The following ZEB1 variants were observed in gnomAD, a reference collection of about 807,000 sequenced individuals.
The protein encoded by ZEB1 is zinc finger E-box binding homeobox 1, also known as zinc finger E-box-binding homeobox 1.
In ZEB1, 21 loss-of-function variants were observed where a neutral mutation model predicts 84.9. The ratio of observed to expected loss-of-function variants is 0.25; its 90% CI spans 0.18 to 0.36. The LOEUF (loss-of-function observed/expected upper bound fraction) is 0.36, where lower values mean the gene tolerates loss of function less well. ZEB1 is among the 10% of genes least tolerant of loss of function. ZEB1 has a pLI of 1.00. For missense variants in ZEB1, 1,104 were observed against 1,330.2 expected (o/e 0.83, Z 2.65); for synonymous variants, 420 against 471.1 (o/e 0.89, Z 1.41).
chr10:31,457,557 T>C (rs997083335), intron 1 of ZEB1, among the ~76,000 whole-genome samples: 3 of 152,116 alleles, frequency 2.0e-5, no homozygotes, highest in Non-Finnish European at 4.4e-5. Flanking sequence ...AAACATGCTC[T>C]GGGAAAATTC....
intron 1 of ZEB1, among the ~76,000 whole-genome samples, chr10:31,453,892 C>T (rs1397455785): frequency 6.6e-6 from 1 of 152,150 alleles, no homozygotes; most frequent in East Asian, 1.9e-4. Flanking sequence ...AGAGGGAATC[C>T]TCCCGAACTC....
intron 1 of ZEB1, among the ~76,000 whole-genome samples, chr10:31,345,869 T>C (rs1590143777): frequency 6.6e-6 from 1 of 152,308 alleles, no homozygotes; most frequent in Admixed American, 6.5e-5. Flanking sequence ...TTCTTTTCCT[T>C]CTTCCAAAGA....
chr10:31,426,676 GC>G (rs1163476820), intron 1 of ZEB1, among the ~76,000 whole-genome samples: 1 of 152,098 alleles, frequency 6.6e-6, no homozygotes, highest in African/African-American at 2.4e-5. Context: ...AAAATCTAGT[GC>G]CAGATTGTAT....
In ZEB1 at chr10:31,520,295, A is replaced by C. The variant is rs746356171; in HGVS notation, c.963A>C (p.Pro321=). 6.2e-7 allele frequency: 1 copy of C among 1,613,982 alleles called. No individual in the cohort carries two copies. The highest frequency in any genetic ancestry group is 1.1e-5 in the South Asian group (1 of 91,080). ...QCSSPSLSAS[P]GSPTRPQIRQ... ...CTTCACCGTCTCTTTCAGCATCACC[A>C]GGCAGTCCCACACGACCACAGATAC... The change falls in exon 7 of 9, where the codon CCA becomes CCC. Residue 321 remains proline, a synonymous_variant. Coordinates refer to ENST00000424869, the MANE Select transcript of ZEB1 (RefSeq NM_001174096.2). This position sits in a 1 kb window ranked among gnomAD's most constrained non-coding sequence, Gnocchi z 5.1.
chr10:31,413,174 C>T (rs1362565395), intron 1 of ZEB1, among the ~76,000 whole-genome samples: 1 of 152,130 alleles, frequency 6.6e-6, no homozygotes, highest in African/African-American at 2.4e-5. Context: ...AATATAATAT[C>T]TGTTCACCAG....
intron 1 of ZEB1, among the ~76,000 whole-genome samples, chr10:31,327,650 T>C (rs1426250406): frequency 6.6e-6 from 1 of 152,172 alleles, no homozygotes; most frequent in Non-Finnish European, 1.5e-5. Context: ...CACTACCATA[T>C]CTAGGGACAT....
At chr10:31,401,549 C>T (rs915549483) in intron 1 of ZEB1, among the ~76,000 whole-genome samples, 1 of 152,140 alleles carries the variant, frequency 6.6e-6, no homozygotes, top group African/African-American at 2.4e-5. Context: ...GTTAAGCTGG[C>T]AGCAATTTTC....
intron 1 of ZEB1, among the ~76,000 whole-genome samples, chr10:31,407,951 A>G (rs2053458402): frequency 6.8e-6 from 1 of 147,736 alleles, no homozygotes; most frequent in African/African-American, 2.5e-5. Context: ...AGGAAGTCAA[A>G]TTGTCCCTGT....
At chr10:31,326,685 C>G (rs1340822261) in intron 1 of ZEB1, among the ~76,000 whole-genome samples, 1 of 152,102 alleles carries the variant, frequency 6.6e-6, no homozygotes, top group East Asian at 1.9e-4. Flanking sequence ...GCATATTTAT[C>G]TAAGACGGTA....
At chr10:31,390,779 T>A (rs2049502376) in intron 1 of ZEB1, among the ~76,000 whole-genome samples, 1 of 152,198 alleles carries the variant, frequency 6.6e-6, no homozygotes, top group Admixed American at 6.6e-5. Flanking sequence ...AATTCTTAGC[T>A]CTGGTGTTGA....
chr10:31,366,341 A>G (rs1159934236), intron 1 of ZEB1, among the ~76,000 whole-genome samples: 6 of 152,198 alleles, frequency 3.9e-5, no homozygotes. Context: ...TTTTGTAAAG[A>G]CAGGGTCTTG....
At chr10:31,433,768 G>A (rs1319584094) in intron 1 of ZEB1, among the ~76,000 whole-genome samples, 1 of 152,216 alleles carries the variant, frequency 6.6e-6, no homozygotes, top group East Asian at 1.9e-4. Flanking sequence ...ATGAGTGGCA[G>A]TGAGGGCTAC....
At chr10:31,417,388 T>G (rs962058151) in intron 1 of ZEB1, among the ~76,000 whole-genome samples, 1 of 152,082 alleles carries the variant, frequency 6.6e-6, no homozygotes, top group Non-Finnish European at 1.5e-5. Context: ...GAGGTTTAGG[T>G]TGGTGTAGTC....
intron 4 of ZEB1, among the ~76,000 whole-genome samples, 165 bp from the exon 5 acceptor site, chr10:31,510,508 T>G (rs1352924290): frequency 6.6e-6 from 1 of 152,240 alleles, no homozygotes; most frequent in African/African-American, 2.4e-5. Context: ...TGGAAACCAC[T>G]GTTCTCTCTC....
At chr10:31,403,823 T>C (rs552441400) in intron 1 of ZEB1, among the ~76,000 whole-genome samples, 4 of 152,198 alleles carry the variant, frequency 2.6e-5, no homozygotes, top group East Asian at 3.9e-4. Context: ...ACATCTCTTA[T>C]ACTTTTGCCT....
chr10:31,443,569 C>G (rs1316835880), intron 1 of ZEB1, among the ~76,000 whole-genome samples: 1 of 120,938 alleles, frequency 8.3e-6, no homozygotes, highest in African/African-American at 3.0e-5. Flanking sequence ...CCCCTCCCCC[C>G]ACCCCACAAC....
chr10:31,385,019 T>C (rs1379469435), intron 1 of ZEB1, among the ~76,000 whole-genome samples: 2 of 152,152 alleles, frequency 1.3e-5, no homozygotes, highest in African/African-American at 4.8e-5. Context: ...AAATTGTTTT[T>C]AAATTAAGTG....
intron 1 of ZEB1, chr10:31,360,824 C>T (rs952093661): frequency 1.4e-6 from 1 of 709,704 alleles, no homozygotes; most frequent in Non-Finnish European, 2.5e-6. Flanking sequence ...AAAGTAAAAT[C>T]TCACAGAGTT....
chr10:31,522,083 T>G, intron 7 of ZEB1, 147 bp downstream of exon 7: 3 of 1,277,800 alleles, frequency 2.3e-6, no homozygotes. Context: ...TTGCTTTAAC[T>G]TTTCTGGCAT....
Sources: allele counts gnomAD v4.1 joint callset (sites outside exome capture counted in the v4.1 genomes callset), GRCh38; gene constraint gnomAD v4.1.1; non-coding constraint Gnocchi (gnomAD v3.1); transcripts MANE v1.5; gene names NCBI Gene and HGNC (gene_info 2026-07-23, HGNC 2026-07-21).